RBFOX1: variants seen among roughly 807,000 people sequenced by gnomAD.
RBFOX1 encodes RNA binding protein fox-1 homolog 1.
In RBFOX1, 8 loss-of-function variants were observed where a neutral mutation model predicts 57.7. That is an observed-to-expected ratio of 0.14 (90% confidence interval 0.08 to 0.25). The LOEUF is 0.25. RBFOX1 is among the 10% of genes least tolerant of loss of function. The pLI is 1.00. For synonymous variants in RBFOX1, 326 were observed against 222.4 expected (o/e 1.47, Z -4.15); for missense variants, 611 against 548.5 (o/e 1.11, Z -1.14).
intron 1 of RBFOX1, among the ~76,000 whole-genome samples, chr16:5,287,059 C>G (rs773899153): frequency 9.2e-5 from 14 of 152,128 alleles, no homozygotes; most frequent in Non-Finnish European, 1.6e-4. Context: ...AATCCTAGCA[C>G]TTTGGGAGGA....
chr16:6,706,808 C>T (rs564713426), intron 3 of RBFOX1, among the ~76,000 whole-genome samples: 1 of 150,898 alleles, frequency 6.6e-6, no homozygotes, highest in South Asian at 2.1e-4. Context: ...AGAAAATTGT[C>T]CTGTTTAGGG....
intron 4 of RBFOX1, among the ~76,000 whole-genome samples, chr16:7,485,259 C>G (rs2065086278): frequency 6.6e-6 from 1 of 152,192 alleles, no homozygotes; most frequent in Admixed American, 6.5e-5. Context: ...CAGCTGCACC[C>G]TCGCGTGTTG....
At chr16:7,416,394 C>G (rs934150104) in intron 4 of RBFOX1, among the ~76,000 whole-genome samples, 2 of 152,180 alleles carry the variant, frequency 1.3e-5, no homozygotes, top group African/African-American at 4.8e-5. Context: ...GTTCTTCTCT[C>G]TCATGCTTAC....
intron 2 of RBFOX1, among the ~76,000 whole-genome samples, chr16:6,412,863 C>G (rs1321912486): frequency 6.6e-6 from 1 of 152,172 alleles, no homozygotes; most frequent in African/African-American, 2.4e-5. Flanking sequence ...GAGCGTGCAC[C>G]TGGCATTTGT....
intron 1 of RBFOX1, among the ~76,000 whole-genome samples, chr16:6,027,937 G>C (rs1353480135): frequency 1.3e-5 from 2 of 152,200 alleles, no homozygotes; most frequent in East Asian, 3.9e-4. Context: ...CCATATGCAT[G>C]GGCTCTGATT....
intron 3 of RBFOX1, among the ~76,000 whole-genome samples, chr16:6,823,203 C>T (rs1486466382): frequency 6.6e-6 from 1 of 152,034 alleles, no homozygotes; most frequent in Non-Finnish European, 1.5e-5. Context: ...AAGCATTAAG[C>T]ATTCTACTTC....
At chr16:6,561,117 T>A (rs1436104781) in intron 2 of RBFOX1, among the ~76,000 whole-genome samples, 1 of 152,178 alleles carries the variant, frequency 6.6e-6, no homozygotes, top group African/African-American at 2.4e-5. Flanking sequence ...CTATGAACTT[T>A]GATATTTGTA....
intron 3 of RBFOX1, among the ~76,000 whole-genome samples, chr16:5,825,175 A>G (rs1240389242): frequency 6.6e-6 from 1 of 152,230 alleles, no homozygotes; most frequent in East Asian, 1.9e-4. Context: ...CAGCTCGGCT[A>G]TGCACAGCTT....
At chr16:6,246,958 C>T (rs992434126) in intron 1 of RBFOX1, among the ~76,000 whole-genome samples, 22 of 152,014 alleles carry the variant, frequency 1.4e-4, no homozygotes, top group African/African-American at 3.1e-4. Context: ...TAATCCCAGC[C>T]GCTTGGGAGG....
chr16:7,330,580 C>T (rs2096676089), intron 4 of RBFOX1, among the ~76,000 whole-genome samples: 1 of 151,330 alleles, frequency 6.6e-6, no homozygotes, highest in Admixed American at 6.6e-5. Flanking sequence ...TCACTATCTT[C>T]TCTGCAGTTT....
chr16:6,653,814 A>G (rs1602902432), intron 2 of RBFOX1, among the ~76,000 whole-genome samples: 1 of 150,228 alleles, frequency 6.7e-6, no homozygotes, highest in Middle Eastern at 3.6e-3. Flanking sequence ...AGACGGATGA[A>G]TGGGAGAAGG....
At chr16:6,064,663 C>T (rs977685825) in intron 1 of RBFOX1, among the ~76,000 whole-genome samples, 1 of 152,128 alleles carries the variant, frequency 6.6e-6, no homozygotes, top group African/African-American at 2.4e-5. Context: ...GCCTCAGCCT[C>T]CCAAGTAGCT....
chr16:6,963,728 T>C (rs972896888), intron 3 of RBFOX1, among the ~76,000 whole-genome samples: 1 of 152,158 alleles, frequency 6.6e-6, no homozygotes, highest in African/African-American at 2.4e-5. Flanking sequence ...AGATGGAGTC[T>C]TGCTCTGTTG....
In RBFOX1 at chr16:6,661,772, T is replaced by C. The variant is rs113736141; in HGVS notation, c.-16+7122T>C. Among the ~76,000 whole-genome samples, 56 of 152,268 alleles carry C rather than the reference T, an allele frequency of 3.7e-4. 1 individual carries two copies. Among genetic ancestry groups the C allele is most frequent in the African/African-American group, 1.3e-3 (55 of 41,570 alleles). Reference sequence around the variant, plus strand: ...CTTGTGATGTGTGACAGAATGAACATGGGAATGCAACTGTCTCTTTGAAAT... The same window carrying C: ...CTTGTGATGTGTGACAGAATGAACACGGGAATGCAACTGTCTCTTTGAAAT... On this transcript the variant is annotated intron_variant, in intron 3 of 15. Transcript: ENST00000550418.
intron 3 of RBFOX1, among the ~76,000 whole-genome samples, chr16:6,784,111 T>G (rs1438506167): frequency 6.6e-6 from 1 of 152,082 alleles, no homozygotes; most frequent in Non-Finnish European, 1.5e-5. Context: ...TGTATACCTC[T>G]GGGTTTCATC....
In RBFOX1 at chr16:7,639,543, T is replaced by G. The variant is rs573373670; in HGVS notation, c.757+8860T>G. Among the ~76,000 whole-genome samples the G allele has an allele frequency of 1.9e-3, 292 of 152,318 alleles. 1 individual carries two copies. The highest frequency in any genetic ancestry group is 6.7e-3 in the African/African-American group (280 of 41,564). On this transcript the variant is annotated intron_variant, in intron 11 of 15. Coordinates refer to ENST00000550418, the MANE Select transcript of RBFOX1 (RefSeq NM_018723.4). ...ACATCCTGAAAATATGCTGTGAAGATACTCTCAAGTTGGCTTCTATTATAC... is the reference window on the plus strand; with the variant it reads ...ACATCCTGAAAATATGCTGTGAAGAGACTCTCAAGTTGGCTTCTATTATAC...
chr16:5,973,083 C>G (rs994523202), intron 4 of RBFOX1, among the ~76,000 whole-genome samples: 1 of 152,186 alleles, frequency 6.6e-6, no homozygotes, highest in South Asian at 2.1e-4. Context: ...AAAGAGTCAG[C>G]TGACTACCTG....
At chr16:6,528,803 A>T (rs1258974999) in intron 2 of RBFOX1, among the ~76,000 whole-genome samples, 1 of 152,166 alleles carries the variant, frequency 6.6e-6, no homozygotes, top group Admixed American at 6.5e-5. Context: ...ACTAGGTGAC[A>T]GTAGCATTCC....
chr16:6,698,327 A>T (rs980750852), intron 3 of RBFOX1, among the ~76,000 whole-genome samples: 4 of 152,190 alleles, frequency 2.6e-5, no homozygotes. Flanking sequence ...ATATATGAGG[A>T]TGTGGGAAAG....
Sources: allele counts gnomAD v4.1 joint callset (sites outside exome capture counted in the v4.1 genomes callset), GRCh38; gene constraint gnomAD v4.1.1; transcripts MANE v1.5; gene names NCBI Gene and HGNC (gene_info 2026-07-23, HGNC 2026-07-21).